The following GJB7 variants were observed in gnomAD, a reference collection of about 807,000 sequenced individuals.
GJB7 encodes gap junction beta-7 protein.
For synonymous variants in GJB7, 87 were observed against 95.2 expected (o/e 0.91, Z 0.50); for missense variants, 253 against 256.8 (o/e 0.99, Z 0.10).
chr6:87,300,026 C>G (rs1023765728), intron 2 of GJB7: 14 of 333,954 alleles, frequency 4.2e-5, no homozygotes, highest in Admixed American at 2.2e-4. Flanking sequence ...GTTACAGATG[C>G]CCTTAATGCT....
chr6:87,314,450 T>C (rs1258800612), intron 2 of GJB7, among the ~76,000 whole-genome samples: 1 of 152,196 alleles, frequency 6.6e-6, no homozygotes, highest in Non-Finnish European at 1.5e-5. Flanking sequence ...AGTTATGGGA[T>C]GAAGTTTATG....
At chr6:87,285,545 TATTC>T (rs1467263772) in intron 2 of GJB7, among the ~76,000 whole-genome samples, 1 of 152,170 alleles carries the variant, frequency 6.6e-6, no homozygotes, top group African/African-American at 2.4e-5. Context: ...CAGACTGACA[TATTC>T]ATACCAAATT....
intron 2 of GJB7, chr6:87,298,914 T>A (rs1161619162): frequency 1.6e-5 from 7 of 429,236 alleles, no homozygotes; most frequent in Non-Finnish European, 3.2e-5. Flanking sequence ...TTTTAGCAGA[T>A]GCTGTAGCTG....
intron 2 of GJB7, among the ~76,000 whole-genome samples, chr6:87,289,862 T>C (rs1416522697): frequency 6.6e-6 from 1 of 152,222 alleles, no homozygotes; most frequent in Non-Finnish European, 1.5e-5. Flanking sequence ...GCATAAATAC[T>C]GTCCAAAAAG....
At chr6:87,307,544 C>A (rs1361420829) in intron 2 of GJB7, among the ~76,000 whole-genome samples, 2 of 152,154 alleles carry the variant, frequency 1.3e-5, no homozygotes, top group Non-Finnish European at 2.9e-5. Flanking sequence ...AAACAAGCAA[C>A]CCCATCAAAA....
At chr6:87,297,010 C>T (rs989315094) in intron 2 of GJB7, among the ~76,000 whole-genome samples, 1 of 152,202 alleles carries the variant, frequency 6.6e-6, no homozygotes, top group African/African-American at 2.4e-5. Flanking sequence ...AGTATGTTCT[C>T]ATAGTAACAT....
intron 2 of GJB7, among the ~76,000 whole-genome samples, chr6:87,317,711 G>A (rs896996490): frequency 2.0e-5 from 3 of 152,042 alleles, no homozygotes; most frequent in Non-Finnish European, 2.9e-5. Context: ...GATTACAGGC[G>A]TGAGCCATGG....
chr6:87,328,508 G>C (rs992506271), intron 1 of GJB7, among the ~76,000 whole-genome samples: 2 of 151,660 alleles, frequency 1.3e-5, no homozygotes, highest in Non-Finnish European at 2.9e-5. Flanking sequence ...GGAGTACCCG[G>C]CCGTGTGAGG....
intron 2 of GJB7, chr6:87,299,205 T>A (rs1776286565): frequency 6.8e-6 from 3 of 442,332 alleles, no homozygotes; most frequent in South Asian, 3.4e-5. Flanking sequence ...GTTGATGTTA[T>A]AATTGCTGAA....
intron 2 of GJB7, among the ~76,000 whole-genome samples, chr6:87,307,465 CA>C (rs1776449897): frequency 6.6e-6 from 1 of 151,980 alleles, no homozygotes; most frequent in Non-Finnish European, 1.5e-5. Flanking sequence ...ACAATTTTTG[CA>C]ATCTAGTCAT....
chr6:87,285,728 C>T (rs553347277), intron 2 of GJB7, among the ~76,000 whole-genome samples: 1 of 152,266 alleles, frequency 6.6e-6, no homozygotes, highest in Admixed American at 6.5e-5. Flanking sequence ...AAGTGTTGTC[C>T]ATTTTTAGTG....
At chr6:87,312,865 G>A (rs1776531218) in intron 2 of GJB7, among the ~76,000 whole-genome samples, 1 of 152,180 alleles carries the variant, frequency 6.6e-6, no homozygotes, top group Non-Finnish European at 1.5e-5. Context: ...ATGGCTGAAA[G>A]AGACAGGGCA....
At chr6:87,319,126 C>T (rs141735432) in intron 2 of GJB7, among the ~76,000 whole-genome samples, 1 of 152,160 alleles carries the variant, frequency 6.6e-6, no homozygotes, top group African/African-American at 2.4e-5. Flanking sequence ...TTTATGCAAT[C>T]CCATCAAATA....
intron 1 of GJB7, among the ~76,000 whole-genome samples, chr6:87,325,003 T>G: frequency 6.6e-6 from 1 of 152,020 alleles, no homozygotes; most frequent in African/African-American, 2.4e-5. Flanking sequence ...GTAAGTTGGA[T>G]TCCTAGGTAT....
At position 87,289,043 on chromosome 6, in the gene GJB7, ATAGCCTGTG is replaced by A. The variant is rs377198377; in HGVS notation, c.-27-4113_-27-4105del. ...AGGCCAAACACTTATCTGGACAACAATAGCCTGTGTAGTGGTGCCCATGCCTGCATCTCC... is the reference window on the plus strand; with the variant it reads ...AGGCCAAACACTTATCTGGACAACAATAGTGGTGCCCATGCCTGCATCTCC... On this transcript the variant is annotated intron_variant, in intron 2 of 2. Coordinates refer to ENST00000525899, the MANE Select transcript of GJB7 (RefSeq NM_198568.3). Among the ~76,000 whole-genome samples the A allele has an allele frequency of 4.7e-3, 714 of 152,280 alleles. 4 individuals carry two copies. The highest frequency in any genetic ancestry group is 0.016 in the South Asian group (75 of 4,822).
At chr6:87,316,534 A>C (rs575599804) in intron 2 of GJB7, among the ~76,000 whole-genome samples, 1 of 152,122 alleles carries the variant, frequency 6.6e-6, no homozygotes, top group South Asian at 2.1e-4. Flanking sequence ...TGTGAAGCCA[A>C]ACAGTGACAT....
intron 1 of GJB7, among the ~76,000 whole-genome samples, chr6:87,327,442 C>A (rs1776856046): frequency 6.6e-6 from 1 of 152,162 alleles, no homozygotes; most frequent in Non-Finnish European, 1.5e-5. Flanking sequence ...TCTTTTAGGG[C>A]AGGCCTGCTG....
At chr6:87,303,432 G>A (rs1776367680) in intron 2 of GJB7, among the ~76,000 whole-genome samples, 2 of 152,116 alleles carry the variant, frequency 1.3e-5, no homozygotes, top group Non-Finnish European at 2.9e-5. Flanking sequence ...GACAAAGAAG[G>A]CCATTACATA....
At chr6:87,320,269 C>T (rs1776636969) in intron 2 of GJB7, among the ~76,000 whole-genome samples, 1 of 152,088 alleles carries the variant, frequency 6.6e-6, no homozygotes, top group East Asian at 1.9e-4. Context: ...ACCAAAATAT[C>T]TCATGTACCC....
Sources: allele counts gnomAD v4.1 joint callset (sites outside exome capture counted in the v4.1 genomes callset), GRCh38; gene constraint gnomAD v4.1.1; transcripts MANE v1.5; gene names NCBI Gene and HGNC (gene_info 2026-07-23, HGNC 2026-07-21).